AGMO: variants seen among roughly 807,000 people sequenced by gnomAD.
AGMO encodes alkylglycerol monooxygenase.
In AGMO, 75 loss-of-function variants were observed where a neutral mutation model predicts 60.2. That is an observed-to-expected ratio of 1.25 (90% CI 1.03 to 1.51). The LOEUF is 1.51. AGMO is among the 40% of genes most tolerant of loss of function. AGMO has a pLI of 0.00. For synonymous variants in AGMO, 261 were observed against 177.1 expected (o/e 1.47, Z -3.76); for missense variants, 763 against 525.5 (o/e 1.45, Z -4.42).
chr7:15,274,449 T>C (rs1002604029), intron 12 of AGMO, among the ~76,000 whole-genome samples: 1 of 152,224 alleles, frequency 6.6e-6, no homozygotes, highest in Non-Finnish European at 1.5e-5. Flanking sequence ...GAACCAGCCG[T>C]GCATCCCAGG....
At chr7:15,216,833 A>ACT in intron 12 of AGMO, among the ~76,000 whole-genome samples, 1 of 147,114 alleles carries the variant, frequency 6.8e-6, no homozygotes, top group African/African-American at 2.5e-5. Flanking sequence ...TGAAAGAAAA[A>ACT]GTGTGTGTGT....
chr7:15,360,883 T>C (rs1045672223), intron 12 of AGMO, among the ~76,000 whole-genome samples: 2 of 151,982 alleles, frequency 1.3e-5, no homozygotes, highest in Admixed American at 6.5e-5. Flanking sequence ...TGAGAACACA[T>C]GCAGATAAAA....
At chr7:15,545,060 T>C (rs911893445) in intron 2 of AGMO, 137 bp from the exon 3 acceptor site, 141 of 575,112 alleles carry the variant, frequency 2.5e-4, no homozygotes, top group Non-Finnish European at 5.5e-5. Flanking sequence ...GTGTCTTCTA[T>C]GTCATTCCTT....
chr7:15,160,490 T>C, the AGMO span, among the ~76,000 whole-genome samples: 2 of 152,216 alleles, frequency 1.3e-5, no homozygotes, highest in Non-Finnish European at 2.9e-5. Context: ...TATCTGTCTA[T>C]ATACGATTTG....
At chr7:15,292,982 C>T (rs1055462117) in intron 12 of AGMO, among the ~76,000 whole-genome samples, 2 of 151,712 alleles carry the variant, frequency 1.3e-5, no homozygotes, top group Admixed American at 6.6e-5. Flanking sequence ...AAGCTGGTCT[C>T]GAACTCCTGA....
chr7:15,254,893 C>T (rs1402181994), intron 12 of AGMO, among the ~76,000 whole-genome samples: 1 of 152,034 alleles, frequency 6.6e-6, no homozygotes, highest in African/African-American at 2.4e-5. Flanking sequence ...AACTCCTCGA[C>T]ACCTACCATA....
chr7:15,298,129 T>C (rs1784456251), intron 12 of AGMO, among the ~76,000 whole-genome samples: 2 of 152,210 alleles, frequency 1.3e-5, no homozygotes, highest in Admixed American at 6.5e-5. Context: ...TGTTTATCTT[T>C]AAAACTGAGA....
chr7:15,322,000 G>T (rs889274390), intron 12 of AGMO, among the ~76,000 whole-genome samples: 3 of 151,904 alleles, frequency 2.0e-5, no homozygotes, highest in African/African-American at 7.2e-5. Context: ...AGGAAAAGAG[G>T]TTAGGCTTTT....
At chr7:15,484,758 G>A (rs1009362243) in intron 3 of AGMO, among the ~76,000 whole-genome samples, 3 of 152,160 alleles carry the variant, frequency 2.0e-5, no homozygotes, top group Admixed American at 1.3e-4. Context: ...AGAGATGGCA[G>A]GGGGTCAAAG....
At chr7:15,533,774 G>A (rs1206715123) in intron 3 of AGMO, among the ~76,000 whole-genome samples, 1 of 152,034 alleles carries the variant, frequency 6.6e-6, no homozygotes, top group East Asian at 1.9e-4. Context: ...CTGCACATCT[G>A]GTGTATTTTT....
the AGMO span, among the ~76,000 whole-genome samples, chr7:15,135,402 A>G: frequency 1.3e-5 from 2 of 152,234 alleles, no homozygotes; most frequent in East Asian, 3.9e-4. Flanking sequence ...GCATCCAGTG[A>G]CTTCTCTTCA....
At chr7:15,423,930 G>C (rs1488661273) in intron 4 of AGMO, among the ~76,000 whole-genome samples, 1 of 152,024 alleles carries the variant, frequency 6.6e-6, no homozygotes, top group South Asian at 2.1e-4. Flanking sequence ...CCTAGCTCTG[G>C]GTACTTTGTT....
At chr7:15,272,508 T>G (rs968330709) in intron 12 of AGMO, among the ~76,000 whole-genome samples, 1 of 152,054 alleles carries the variant, frequency 6.6e-6, no homozygotes, top group African/African-American at 2.4e-5. Context: ...ATGTGCCTCA[T>G]TTTCTTAATC....
At chr7:15,468,396 G>A (rs1782348234) in intron 3 of AGMO, among the ~76,000 whole-genome samples, 2 of 152,012 alleles carry the variant, frequency 1.3e-5, no homozygotes, top group South Asian at 2.1e-4. Context: ...ATTTGAAATT[G>A]TCTATGTTAT....
At chr7:15,139,820 C>CAAAAAAA in the AGMO span, among the ~76,000 whole-genome samples, 393 of 65,028 alleles carry the variant, frequency 6.0e-3, no homozygotes, top group East Asian at 0.011. Flanking sequence ...TCTCAAAAGA[C>CAAAAAAA]AAAAAAAAAA....
the AGMO span, among the ~76,000 whole-genome samples, chr7:15,189,281 G>A: frequency 1.3e-5 from 2 of 152,026 alleles, no homozygotes; most frequent in African/African-American, 2.4e-5. Flanking sequence ...TTACAAATAG[G>A]GCCTTGCAAG....
At chr7:15,142,242 G>T in the AGMO span, among the ~76,000 whole-genome samples, 1 of 152,064 alleles carries the variant, frequency 6.6e-6, no homozygotes. Flanking sequence ...CTGATTCTAA[G>T]CCTCTATCCC....
At chr7:15,458,984 A>C (rs139803723) in intron 3 of AGMO, among the ~76,000 whole-genome samples, 47 of 152,328 alleles carry the variant, frequency 3.1e-4, no homozygotes, top group African/African-American at 1.1e-3. Context: ...CAGAAGAGGA[A>C]TATGAGCAAT....
At chr7:15,485,591 T>G (rs1287429236) in intron 3 of AGMO, among the ~76,000 whole-genome samples, 3 of 152,158 alleles carry the variant, frequency 2.0e-5, no homozygotes, top group Non-Finnish European at 4.4e-5. Flanking sequence ...AACCCATTTC[T>G]TCAAGCATAA....
Sources: gnomAD v4.1 joint callset for allele counts (sites outside exome capture counted in the v4.1 genomes callset) on GRCh38, gnomAD v4.1.1 for gene constraint, MANE v1.5 for transcripts, NCBI Gene and HGNC (gene_info 2026-07-23, HGNC 2026-07-21) for gene names.